Variants in PTPRF observed in about 807,000 individuals in gnomAD.
PTPRF encodes the protein protein tyrosine phosphatase receptor type F, also known as receptor-type tyrosine-protein phosphatase F.
In PTPRF, 59 loss-of-function variants were observed where a neutral mutation model predicts 201.8. The observed-to-expected ratio is 0.29, with a 90% CI of 0.24 to 0.36. PTPRF has a LOEUF of 0.36. Ranked by LOEUF, PTPRF falls within the 10% of genes least tolerant of loss-of-function variation. PTPRF has a pLI of 1.00. For synonymous variants in PTPRF, 1,088 were observed against 1,089.7 expected (o/e 1.00, Z 0.03); for missense variants, 2,132 against 2,690.5 (o/e 0.79, Z 4.59).
intron 6 of PTPRF, among the ~76,000 whole-genome samples, chr1:43,576,244 G>A (rs1171821166): frequency 1.3e-5 from 2 of 152,240 alleles, no homozygotes; most frequent in Non-Finnish European, 2.9e-5. Flanking sequence ...GTGAAACTTA[G>A]CCTGTCCCCC....
rs370185207 is a variant in PTPRF, at chr1:43,588,685, G to A, written c.680-46G>A. The A allele has an allele frequency of 8.0e-5, 128 of 1,602,860 alleles. No homozygotes were observed. Among genetic ancestry groups the A allele is most frequent in the African/African-American group, 2.0e-4 (15 of 74,796 alleles). On this transcript the variant is annotated intron_variant, in intron 7 of 33. Coordinates refer to ENST00000359947, the MANE Select transcript of PTPRF (RefSeq NM_002840.5). This position sits in a 1 kb window ranked among gnomAD's most constrained non-coding sequence, Gnocchi z 5.3. ...GGGGCCCCTGCCCTTCCATGCAGTC[G>A]TGTGTCCTGCCCGGCCTGTGAGTGC...
At chr1:43,569,511 G>C in intron 5 of PTPRF, 79 bp from the exon 6 acceptor site, 7 of 1,450,044 alleles carry the variant, frequency 4.8e-6, no homozygotes, top group Non-Finnish European at 6.5e-6. Context: ...CCAACCTGCA[G>C]TTGGGGAGGT....
chr1:43,605,122 CTG>C, intron 17 of PTPRF, 66 bp from the exon 18 acceptor site: 3 of 1,576,086 alleles, frequency 1.9e-6, no homozygotes, highest in East Asian at 4.5e-5. Context: ...TATCCGTGCA[CTG>C]TGCCTTGCAG....
intron 6 of PTPRF, among the ~76,000 whole-genome samples, chr1:43,576,154 G>A (rs1646913869): frequency 6.6e-6 from 1 of 152,170 alleles, no homozygotes; most frequent in Non-Finnish European, 1.5e-5. Flanking sequence ...GATACTCGCC[G>A]GGCCCCGCCT....
chr1:43,591,309 C>T lies in PTPRF; in HGVS notation c.1287C>T (p.Thr429=), dbSNP rs1367224930. Residue 429 remains threonine, a synonymous_variant, in exon 9 of 34, where the codon ACC becomes ACT. Transcript: ENST00000359947. ...RVQARMLSAS[T]MLVQWEPPEE... ...AGGCACGCATGCTGAGCGCCAGCAC[C>T]ATGCTGGTGCAGTGGGAGCCTCCCG... 2.6e-6 allele frequency: 4 copies of T among 1,551,784 alleles called. No homozygotes were observed. The highest frequency in any genetic ancestry group is 3.5e-6 in the Non-Finnish European group (4 of 1,149,272).
At chr1:43,613,903 A>G (rs534188352) in intron 23 of PTPRF, among the ~76,000 whole-genome samples, 188 bp downstream of exon 23, 5 of 152,252 alleles carry the variant, frequency 3.3e-5, no homozygotes, top group Admixed American at 1.3e-4. Flanking sequence ...GGGTCTGGCC[A>G]TAGCCTGGCC....
intron 5 of PTPRF, among the ~76,000 whole-genome samples, chr1:43,556,857 G>T (rs1445803963): frequency 6.6e-6 from 1 of 152,210 alleles, no homozygotes. Flanking sequence ...GTTGGCCTCC[G>T]TGCTGCGTGG....
rs150970834 is a variant in PTPRF, at chr1:43,617,587, C to T, written c.4195+19C>T. ...ATCGATGGTGAGCCAAGGGGGTGCC[C>T]CTCCCATCCCCTTGCTCTCCCCCTT... On this transcript the variant is annotated intron_variant, in intron 24 of 33. Coordinates refer to ENST00000359947, the MANE Select transcript of PTPRF (RefSeq NM_002840.5). 1,737 of 1,613,550 alleles carry T rather than the reference C, an allele frequency of 1.1e-3. 23 individuals are homozygous for T. In the African/African-American group the frequency reaches 0.02, roughly 19 times the overall value.
At chr1:43,580,098 G>A (rs1396671318) in intron 7 of PTPRF, 1 of 151,508 alleles carries the variant, frequency 6.6e-6, no homozygotes, top group Admixed American at 6.6e-5. Flanking sequence ...TCTCCACCCA[G>A]GGGATTGTAA....
chr1:43,606,733 C>A (rs1268603644), intron 20 of PTPRF, 81 bp from the exon 21 acceptor site: 16 of 1,546,438 alleles, frequency 1.0e-5, no homozygotes, highest in Non-Finnish European at 8.7e-7. Flanking sequence ...AGACCCAGAG[C>A]CCTTTCTCCA....
intron 13 of PTPRF, among the ~76,000 whole-genome samples, chr1:43,599,971 G>A (rs796595653): frequency 3.9e-5 from 6 of 152,280 alleles, no homozygotes; most frequent in South Asian, 4.1e-4. Flanking sequence ...GCAGGGGTGC[G>A]TGTACCACTC....
chr1:43,591,081 G>A lies in PTPRF; in HGVS notation c.1059G>A (p.Gln353=), dbSNP rs1466434686. 6 of 1,613,968 alleles carry A rather than the reference G, an allele frequency of 3.7e-6. No homozygotes were observed. The highest frequency in any genetic ancestry group is 5.1e-6 in the Non-Finnish European group (6 of 1,180,044). Residue 353 remains glutamine (Q), a synonymous_variant, in exon 9 of 34, where the codon CAG becomes CAA. Transcript: ENST00000359947. ...AGCCTGTAACCTACTATGGCATCCA[G>A]TACCGCGCAGCGGGCACGGAGGGCC... ...NSEPVTYYGI[Q]YRAAGTEGPF...
intron 6 of PTPRF, 140 bp downstream of exon 6, chr1:43,569,918 C>A: frequency 1.0e-6 from 1 of 985,054 alleles, no homozygotes; most frequent in Non-Finnish European, 1.4e-6. Context: ...CTGGGTCTTA[C>A]TGCAGGTGTG....
At chr1:43,581,639 C>G (rs1647664830) in intron 7 of PTPRF, among the ~76,000 whole-genome samples, 1 of 152,230 alleles carries the variant, frequency 6.6e-6, no homozygotes, top group South Asian at 2.1e-4. Context: ...CCTTCAGCCC[C>G]AGCGCCTGGG....
chr1:43,523,822 C>G (rs556885591), upstream of PTPRF, among the ~76,000 whole-genome samples: 2 of 150,760 alleles, frequency 1.3e-5, no homozygotes, highest in South Asian at 4.2e-4. Flanking sequence ...CCAAGGCGGA[C>G]AGATCACTTG....
intron 3 of PTPRF, among the ~76,000 whole-genome samples, chr1:43,549,132 G>A (rs1046348111): frequency 4.6e-5 from 7 of 152,226 alleles, no homozygotes; most frequent in South Asian, 2.1e-4. Context: ...GCACGCTCTC[G>A]TGGGGTGTCA....
chr1:43,564,272 G>A (rs887969420), intron 5 of PTPRF, among the ~76,000 whole-genome samples: 4 of 152,152 alleles, frequency 2.6e-5, no homozygotes, highest in Non-Finnish European at 4.4e-5. Context: ...TTTGGAAGGC[G>A]TCTGGCTCTG....
chr1:43,598,638 C>A, intron 12 of PTPRF, 82 bp from the exon 13 acceptor site: 1 of 1,308,686 alleles, frequency 7.6e-7, no homozygotes, highest in South Asian at 1.3e-5. Context: ...GGTGCTGAGG[C>A]AGGACCCTCA....
intron 13 of PTPRF, among the ~76,000 whole-genome samples, chr1:43,599,470 T>C (rs1445021242): frequency 6.6e-6 from 1 of 152,122 alleles, no homozygotes; most frequent in African/African-American, 2.4e-5. Flanking sequence ...TCCAGGGCTG[T>C]CTTACCCCAC....
Sources: allele counts gnomAD v4.1 joint callset (sites outside exome capture counted in the v4.1 genomes callset), GRCh38; gene constraint gnomAD v4.1.1; non-coding constraint Gnocchi (gnomAD v3.1); transcripts MANE v1.5; gene names NCBI Gene and HGNC (gene_info 2026-07-23, HGNC 2026-07-21).